Variants in CNTNAP3B observed in about 807,000 individuals in gnomAD.
CNTNAP3B encodes contactin-associated protein-like 3B.
In CNTNAP3B, 25 loss-of-function variants were observed where a neutral mutation model predicts 108.9. That is an observed-to-expected ratio of 0.23 (90% confidence interval 0.17 to 0.32). The LOEUF (loss-of-function observed/expected upper bound fraction) is 0.32. Among genes scored for constraint, CNTNAP3B ranks in the 10% least tolerant of loss-of-function variants. The pLI, the probability that CNTNAP3B is intolerant of heterozygous loss-of-function variation, is 1.00. For missense variants in CNTNAP3B, 252 were observed against 1,210.4 expected, an observed-to-expected ratio of 0.21 and a Z score of 11.75; for synonymous variants, 103 against 473.4, an observed-to-expected ratio of 0.22 and a Z score of 10.16.
At chr9:41,977,928 G>C (rs1304122040) in intron 9 of CNTNAP3B, among the ~76,000 whole-genome samples, 11 of 142,580 alleles carry the variant, frequency 7.7e-5, no homozygotes, top group Admixed American at 3.5e-4. Context: ...ACTGTGCCTG[G>C]CCGAATTTTA....
chr9:41,931,062 T>C (rs1823963804), intron 14 of CNTNAP3B, among the ~76,000 whole-genome samples: 1 of 152,302 alleles, frequency 6.6e-6, no homozygotes, highest in Non-Finnish European at 1.5e-5. Flanking sequence ...GTAAATACTG[T>C]ATTTTTTAAA....
rs538176138 is a variant in CNTNAP3B at position 42,126,004 on chromosome 9, C to T, written c.85+3006G>A. On this transcript the variant is annotated intron_variant, in intron 1 of 23. Transcript: ENST00000377561. The stretch of plus-strand genomic sequence containing the variant: ...CAGAATCTCTCTTAAAATGGTATTA[C>T]TAAAAGGTCCAAAATGAAACATCTG... Among the ~76,000 whole-genome samples the T allele has an allele frequency of 2.4e-3, 317 of 131,764 alleles. 41 individuals carry two copies. The highest frequency in any genetic ancestry group is 8.6e-3 in the Admixed American group (111 of 12,970). The allele number at this position is 131,764 out of a possible 152,430, so 86.4% of individuals were successfully genotyped here.
intron 12 of CNTNAP3B, among the ~76,000 whole-genome samples, chr9:41,957,616 G>T (rs1283204366): frequency 6.7e-6 from 1 of 149,146 alleles, no homozygotes; most frequent in Non-Finnish European, 1.5e-5. Flanking sequence ...CCATCTTGCT[G>T]CTTACATTGT....
rs372891017 is a variant in CNTNAP3B, at chr9:42,098,582, CA to C, written c.196+6046del. Among the ~76,000 whole-genome samples the C allele has an allele frequency of 1.5e-3, 48 of 32,442 alleles. 8 individuals are homozygous for C. The East Asian group carries it at 0.017, about 11-fold the overall frequency. The allele number at this position is 32,442 out of a possible 152,430, so 21.3% of individuals were successfully genotyped here. ...TGGGTGACAGAGCGAGACTCTGTCT[CA>C]AAAAAAAAAAAAAAACCAACAGCAA... is the stretch of plus-strand genomic sequence containing the variant. On this transcript the variant is annotated intron_variant, in intron 2 of 23. Coordinates refer to ENST00000377561, the MANE Select transcript of CNTNAP3B (RefSeq NM_001201380.3).
At chr9:41,926,293 C>A (rs1441340075) in intron 15 of CNTNAP3B, among the ~76,000 whole-genome samples, 31 of 152,078 alleles carry the variant, frequency 2.0e-4, no homozygotes, top group Non-Finnish European at 4.3e-4. Flanking sequence ...TTGACCCTAT[C>A]CCTGCAGATC....
At chr9:42,041,800 G>T (rs1316556082) in intron 3 of CNTNAP3B, among the ~76,000 whole-genome samples, 1 of 141,146 alleles carries the variant, frequency 7.1e-6, no homozygotes. Flanking sequence ...TGTTTATTGC[G>T]ACACTATCTG....
At chr9:42,089,439 A>C (rs1252082614) in intron 2 of CNTNAP3B, among the ~76,000 whole-genome samples, 1 of 135,842 alleles carries the variant, frequency 7.4e-6, no homozygotes, top group African/African-American at 2.9e-5. Context: ...GGAAATTCTA[A>C]GTAGTTAAAG....
chr9:41,983,275 A>G (rs1456112346), intron 9 of CNTNAP3B: 1 of 124,620 alleles, frequency 8.0e-6, no homozygotes, highest in Non-Finnish European at 1.7e-5. Context: ...GTCAAAGACT[A>G]TAATGTTAGA....
intron 13 of CNTNAP3B, among the ~76,000 whole-genome samples, chr9:41,944,610 G>A (rs1316334029): frequency 6.6e-6 from 1 of 152,056 alleles, no homozygotes; most frequent in Non-Finnish European, 1.5e-5. Context: ...AAAAATGTGA[G>A]AGGGGAATTC....
At chr9:42,056,798 C>T (rs1252552500) in intron 3 of CNTNAP3B, among the ~76,000 whole-genome samples, 1 of 105,644 alleles carries the variant, frequency 9.5e-6, no homozygotes, top group Non-Finnish European at 1.9e-5. Context: ...AATATTATTT[C>T]CCATTTATAA....
At chr9:42,125,194 A>G (rs940472824) in intron 1 of CNTNAP3B, among the ~76,000 whole-genome samples, 1 of 137,358 alleles carries the variant, frequency 7.3e-6, no homozygotes, top group African/African-American at 2.9e-5. Context: ...AGTTTCACCA[A>G]TTCCCAATCA....
intron 18 of CNTNAP3B, among the ~76,000 whole-genome samples, chr9:41,918,695 A>G (rs1180186198): frequency 1.4e-5 from 2 of 143,700 alleles, no homozygotes; most frequent in East Asian, 2.0e-4. Context: ...ATTTTGGGTT[A>G]TAAAATAACA....
intron 10 of CNTNAP3B, among the ~76,000 whole-genome samples, chr9:41,966,110 G>A (rs1213302403): frequency 1.3e-5 from 2 of 152,404 alleles, no homozygotes; most frequent in East Asian, 1.9e-4. Flanking sequence ...GGAGCGACAG[G>A]CAAGGTTGGC....
chr9:41,979,852 T>C (rs558735968), intron 9 of CNTNAP3B: 2 of 126,916 alleles, frequency 1.6e-5, no homozygotes, highest in Admixed American at 1.6e-4. Flanking sequence ...GCCTCCCAGA[T>C]TGCTGGGATT....
chr9:41,918,451 C>T (rs1823576741), intron 18 of CNTNAP3B, among the ~76,000 whole-genome samples: 1 of 145,318 alleles, frequency 6.9e-6, no homozygotes, highest in Admixed American at 6.8e-5. Flanking sequence ...GTGTTTAGTA[C>T]ACACATACAC....
At chr9:42,069,893 G>T (rs985870904) in intron 3 of CNTNAP3B, among the ~76,000 whole-genome samples, 1 of 101,904 alleles carries the variant, frequency 9.8e-6, no homozygotes, top group African/African-American at 4.2e-5. Context: ...GTTTCATAAG[G>T]ACAAATACAC....
At chr9:41,966,770 A>C (rs1218102698) in intron 10 of CNTNAP3B, among the ~76,000 whole-genome samples, 1 of 151,812 alleles carries the variant, frequency 6.6e-6, no homozygotes, top group Non-Finnish European at 1.5e-5. Context: ...GATCGAGACC[A>C]TCCTGGCTAA....
rs1313207979 is a variant in CNTNAP3B at position 41,932,509 on chromosome 9, T to TTTTTAAC, written c.2238-3066_2238-3065insGTTAAAA. Among the ~76,000 whole-genome samples the TTTTTAAC allele has an allele frequency of 5.8e-4, 85 of 146,140 alleles. No homozygotes were observed. In the East Asian group the frequency reaches 6.9e-3, roughly 12 times the overall value. On this transcript the variant is annotated intron_variant, in intron 14 of 23. Coordinates refer to ENST00000377561, the MANE Select transcript of CNTNAP3B (RefSeq NM_001201380.3). ...AGAAATGTTGAGTCAACTTTTTAAC[T>TTTTTAAC]TTTTTTTCTTCTTTTTTTTTTTTTT... is the stretch of plus-strand genomic sequence containing the variant.
At chr9:41,950,941 G>A (rs1277580869) in intron 13 of CNTNAP3B, among the ~76,000 whole-genome samples, 1 of 145,834 alleles carries the variant, frequency 6.9e-6, no homozygotes, top group Non-Finnish European at 1.5e-5. Context: ...ATTTTTAGTA[G>A]AGACGGGGTT....
Sources: gnomAD v4.1 joint callset for allele counts (sites outside exome capture counted in the v4.1 genomes callset) on GRCh38, gnomAD v4.1.1 for gene constraint, MANE v1.5 for transcripts, NCBI Gene and HGNC (gene_info 2026-07-23, HGNC 2026-07-21) for gene names.